The following ARB2A variants were observed in gnomAD, a reference collection of about 807,000 sequenced individuals.
The protein encoded by ARB2A is ARB2 cotranscriptional regulator A, also known as cotranscriptional regulator ARB2A.
the ARB2A span, among the ~76,000 whole-genome samples, chr5:93,753,637 C>CT: frequency 6.6e-6 from 1 of 152,082 alleles, no homozygotes; most frequent in African/African-American, 2.4e-5. Flanking sequence ...GGTTGTTTTC[C>CT]TTTTCCTTTC....
the ARB2A span, among the ~76,000 whole-genome samples, chr5:93,942,856 T>C: frequency 6.6e-6 from 1 of 152,160 alleles, no homozygotes; most frequent in African/African-American, 2.4e-5. Flanking sequence ...GATGTGTACA[T>C]GTGTAAGTGT....
At chr5:93,918,725 A>G in the ARB2A span, among the ~76,000 whole-genome samples, 701 of 152,098 alleles carry the variant, frequency 4.6e-3, 3 homozygotes, top group Admixed American at 6.9e-3. Flanking sequence ...CCTAGCCCCA[A>G]ATTTCAAACT....
At chr5:93,733,254 C>T in the ARB2A span, 1 of 148,350 alleles carries the variant, frequency 6.7e-6, no homozygotes, top group Non-Finnish European at 1.5e-5. Context: ...AGACTGGAGT[C>T]CAGGGGCATG....
chr5:93,778,001 A>C, the ARB2A span, among the ~76,000 whole-genome samples: 1 of 152,238 alleles, frequency 6.6e-6, no homozygotes, highest in Admixed American at 6.5e-5. Context: ...CAGTAGATCA[A>C]TGAAACTATT....
At chr5:93,842,463 C>T in the ARB2A span, among the ~76,000 whole-genome samples, 1 of 152,070 alleles carries the variant, frequency 6.6e-6, no homozygotes, top group African/African-American at 2.4e-5. Flanking sequence ...ATTCAAGATC[C>T]GTATCTGAGT....
At chr5:93,791,230 G>A in the ARB2A span, among the ~76,000 whole-genome samples, 1 of 152,174 alleles carries the variant, frequency 6.6e-6, no homozygotes, top group Non-Finnish European at 1.5e-5. Flanking sequence ...AGTTTGCCCA[G>A]AACAGTCTTG....
the ARB2A span, among the ~76,000 whole-genome samples, chr5:93,712,746 A>C: frequency 6.6e-6 from 1 of 152,244 alleles, no homozygotes; most frequent in Non-Finnish European, 1.5e-5. Flanking sequence ...TGGAATAGCC[A>C]AAGCCATCCC....
At chr5:93,936,130 T>A in the ARB2A span, among the ~76,000 whole-genome samples, 1 of 152,186 alleles carries the variant, frequency 6.6e-6, no homozygotes, top group Admixed American at 6.5e-5. Flanking sequence ...TAGTTAAATT[T>A]AAACCGATTA....
the ARB2A span, among the ~76,000 whole-genome samples, chr5:93,823,480 G>A: frequency 8.5e-5 from 13 of 152,100 alleles, no homozygotes; most frequent in Admixed American, 8.5e-4. Context: ...TCAAGTACAA[G>A]TCAGTTAAAG....
chr5:94,065,846 A>C, the ARB2A span, among the ~76,000 whole-genome samples: 1 of 152,194 alleles, frequency 6.6e-6, no homozygotes, highest in Non-Finnish European at 1.5e-5. Context: ...ACAAAGAAAC[A>C]GATTTAAACT....
the ARB2A span, among the ~76,000 whole-genome samples, chr5:94,093,736 C>T: frequency 1.4e-4 from 21 of 152,132 alleles, no homozygotes; most frequent in Non-Finnish European, 2.9e-4. Context: ...ACTCTAATGC[C>T]TAATGTTCAA....
At chr5:93,953,301 CTTTCCAG>C in the ARB2A span, among the ~76,000 whole-genome samples, 2 of 152,188 alleles carry the variant, frequency 1.3e-5, no homozygotes, top group South Asian at 4.1e-4. Flanking sequence ...CCTGGGAAGG[CTTTCCAG>C]GTATCCGAAG....
At chr5:93,968,135 TATATG>T in the ARB2A span, among the ~76,000 whole-genome samples, 7 of 152,148 alleles carry the variant, frequency 4.6e-5, no homozygotes, top group East Asian at 1.2e-3. Flanking sequence ...TTTTACCTGA[TATATG>T]ATATCAGGCT....
the ARB2A span, among the ~76,000 whole-genome samples, chr5:93,869,812 C>A: frequency 0.032 from 4,842 of 152,278 alleles, 140 homozygotes; most frequent in East Asian, 0.14. Flanking sequence ...AGATCCACCC[C>A]CTGCCCGCAA....
At chr5:94,089,857 G>T in the ARB2A span, among the ~76,000 whole-genome samples, 2 of 152,130 alleles carry the variant, frequency 1.3e-5, no homozygotes, top group African/African-American at 4.8e-5. Flanking sequence ...CTTCTGGAAA[G>T]TTCTGAAATA....
At chr5:93,717,869 C>G in the ARB2A span, among the ~76,000 whole-genome samples, 1 of 145,728 alleles carries the variant, frequency 6.9e-6, no homozygotes, top group Non-Finnish European at 1.5e-5. Flanking sequence ...GAGTCTCGCT[C>G]TGTCACACAG....
chr5:94,064,007 G>T, the ARB2A span, among the ~76,000 whole-genome samples: 3 of 151,608 alleles, frequency 2.0e-5, no homozygotes, highest in East Asian at 5.9e-4. Context: ...CAATCAAAGA[G>T]AAATTTATGA....
chr5:93,620,690 CAATT>C, the ARB2A span: 1 of 270,784 alleles, frequency 3.7e-6, no homozygotes, highest in African/African-American at 2.2e-5. Flanking sequence ...TCCTTCAGGG[CAATT>C]AGAGCTTCGC....
chr5:93,683,781 A>G, the ARB2A span: 7 of 1,404,796 alleles, frequency 5.0e-6, no homozygotes, highest in Middle Eastern at 2.5e-4. Flanking sequence ...GCTGCTGCAG[A>G]GAACAGCCGC....
Sources: allele counts gnomAD v4.1 joint callset (sites outside exome capture counted in the v4.1 genomes callset), GRCh38; gene constraint gnomAD v4.1.1; transcripts MANE v1.5; gene names NCBI Gene and HGNC (gene_info 2026-07-23, HGNC 2026-07-21).